Variants in FXR1 observed in about 807,000 individuals in gnomAD.
FXR1 encodes the protein RNA-binding protein FXR1.
FXR1 carries 15 observed loss-of-function variants against 84.0 expected under a neutral mutation model. The ratio of observed to expected loss-of-function variants is 0.18; its 90% CI spans 0.12 to 0.27. The LOEUF is 0.27. Ranked by LOEUF, FXR1 falls within the 10% of genes least tolerant of loss-of-function variation. The probability of loss-of-function intolerance (pLI) is 1.00; values close to 1 mark genes in which losing one functional copy is unlikely to be tolerated. For synonymous variants in FXR1, 245 were observed against 250.7 expected (o/e 0.98, Z 0.21); for missense variants, 480 against 774.4 (o/e 0.62, Z 4.51).
chr3:180,969,017 A>T (rs1386598396), intron 14 of FXR1, among the ~76,000 whole-genome samples: 1 of 152,206 alleles, frequency 6.6e-6, no homozygotes, highest in Non-Finnish European at 1.5e-5. Context: ...ATGAAAACTT[A>T]TGTAGTATTT....
rs1264208059 is a variant in FXR1 at position 180,979,551 on chromosome 3, A to G, written c.*3259A>G. 4 of 145,818 alleles carry G rather than the reference A, an allele frequency of 2.7e-5. No homozygotes were observed. The highest frequency in any genetic ancestry group is 4.6e-5 in the Non-Finnish European group (3 of 65,786). The allele number at this position is 145,818 out of a possible 1,614,324, so 9.0% of individuals were successfully genotyped here. ...GCTATAGTGAATTTGCTAGCCCCTT[A>G]TTTTTTTTTTTAATTTTAGTTCTTT... On this transcript the variant is annotated 3_prime_UTR_variant, in exon 17 of 17. Coordinates refer to ENST00000357559, the MANE Select transcript of FXR1 (RefSeq NM_005087.4).
intron 1 of FXR1, among the ~76,000 whole-genome samples, chr3:180,923,295 A>G (rs569949414): frequency 6.6e-6 from 1 of 152,248 alleles, no homozygotes; most frequent in East Asian, 1.9e-4. Flanking sequence ...GACCCTCCTG[A>G]GAATTACTCC....
chr3:180,927,469 A>C (rs1461560844), intron 1 of FXR1, among the ~76,000 whole-genome samples: 1 of 152,098 alleles, frequency 6.6e-6, no homozygotes, highest in East Asian at 1.9e-4. Flanking sequence ...TTGTAATATT[A>C]ATCTTTTAAC....
At chr3:180,960,751 C>T (rs1335372563) in intron 10 of FXR1, among the ~76,000 whole-genome samples, 1 of 152,138 alleles carries the variant, frequency 6.6e-6, no homozygotes, top group African/African-American at 2.4e-5. Context: ...AGGTGTGAGT[C>T]ACCATGACCT....
rs773264042 is a variant in FXR1 at position 180,981,061 on chromosome 3, A to G, written c.*4769A>G. ...ATGTTTGGAGGTTCTTGTGCACTCA[A>G]TGTGAACCTACTACAAGCTTCTGAA... On this transcript the variant is annotated 3_prime_UTR_variant, in exon 17 of 17. Coordinates refer to ENST00000357559, the MANE Select transcript of FXR1 (RefSeq NM_005087.4). 5.9e-5 allele frequency: 9 copies of G among 151,948 alleles called. No homozygotes were observed. Among genetic ancestry groups the G allele is most frequent in the African/African-American group, 9.7e-5 (4 of 41,400 alleles). The allele number at this position is 151,948 out of a possible 1,614,324, so 9.4% of individuals were successfully genotyped here. A position where few individuals can be genotyped will look rare whatever the true frequency, so the allele number is the denominator to read the frequency against.
Position 180,976,338 on chromosome 3 carries a change from A to G in FXR1, c.*46A>G, listed in dbSNP as rs199650094. 1.2e-4 allele frequency: 157 copies of G among 1,295,186 alleles called. No individual in the cohort carries two copies. The highest frequency in any genetic ancestry group is 1.5e-4 in the Non-Finnish European group (144 of 931,508). The allele number at this position is 1,295,186 out of a possible 1,614,324, so 80.2% of individuals were successfully genotyped here. A position where few individuals can be genotyped will look rare whatever the true frequency, so the allele number is the denominator to read the frequency against. On this transcript the variant is annotated 3_prime_UTR_variant, in exon 17 of 17. Transcript: ENST00000357559. Reference sequence around the variant, plus strand: ...ACAGTTCTTTTACATTACATTTACAATAGTGCTTGTACAAGCTTGCCAAAG... The same window carrying G: ...ACAGTTCTTTTACATTACATTTACAGTAGTGCTTGTACAAGCTTGCCAAAG...
intron 11 of FXR1, among the ~76,000 whole-genome samples, chr3:180,962,441 CCTT>C (rs1560015162): frequency 2.0e-5 from 3 of 152,206 alleles, no homozygotes; most frequent in African/African-American, 7.2e-5. Context: ...GTCTAGCACT[CCTT>C]CTAGGTCACA....
At chr3:180,942,377 C>CAAAAAAAAAAAAAA (rs765066164) in intron 3 of FXR1, among the ~76,000 whole-genome samples, 7 of 31,128 alleles carry the variant, frequency 2.2e-4, no homozygotes, top group African/African-American at 8.0e-4. Flanking sequence ...GACTCCGTCT[C>CAAAAAAAAAAAAAA]AAAAAAAAAA....
intron 3 of FXR1, among the ~76,000 whole-genome samples, chr3:180,941,293 G>A (rs1721095626): frequency 6.6e-6 from 1 of 151,846 alleles, no homozygotes; most frequent in Non-Finnish European, 1.5e-5. Context: ...CCGGGCTCAA[G>A]GGATCTTCCC....
At chr3:180,967,037 T>C (rs1040597641) in intron 13 of FXR1, among the ~76,000 whole-genome samples, 4 of 152,320 alleles carry the variant, frequency 2.6e-5, no homozygotes, top group African/African-American at 7.2e-5. Context: ...CTGTAAACTT[T>C]TAAAGGCAAT....
chr3:180,978,428 TG>T lies in FXR1; in HGVS notation c.*2137del, dbSNP rs1342607932. On this transcript the variant is annotated 3_prime_UTR_variant, in exon 17 of 17. Transcript: ENST00000357559. Reference sequence around the variant, plus strand: ...TGCAGAATTGTGATAAATACGCATTTGTTTTTTTAGAGAGCCCCACTCCCCA... The same window carrying T: ...TGCAGAATTGTGATAAATACGCATTTTTTTTTTAGAGAGCCCCACTCCCCA... The T allele has an allele frequency of 2.6e-5, 4 of 152,144 alleles. No homozygotes were observed. The highest frequency in any genetic ancestry group is 9.6e-5 in the African/African-American group (4 of 41,458). The allele number at this position is 152,144 out of a possible 1,614,324, so 9.4% of individuals were successfully genotyped here.
Position 180,976,480 on chromosome 3 carries a change from TATAAA to T in FXR1, c.*192_*196del, listed in dbSNP as rs1714256066. On this transcript the variant is annotated 3_prime_UTR_variant, in exon 17 of 17. Coordinates refer to ENST00000357559, the MANE Select transcript of FXR1 (RefSeq NM_005087.4). ...AAACATACTTTGACACCTACTGTGT[TATAAA>T]ATATATCATCAGATGTGCCTTGAGA... 4.8e-6 allele frequency: 2 copies of T among 416,382 alleles called. No homozygotes were observed. Among genetic ancestry groups the T allele is most frequent in the African/African-American group, 4.1e-5 (2 of 48,260 alleles). 25.8% of individuals were successfully genotyped at this position (416,382 alleles called of 1,614,324 possible).
intron 1 of FXR1, among the ~76,000 whole-genome samples, chr3:180,922,116 A>G (rs947240066): frequency 6.6e-6 from 1 of 152,206 alleles, no homozygotes; most frequent in Non-Finnish European, 1.5e-5. Flanking sequence ...TAATAGACAT[A>G]CACTTTGTTT....
intron 3 of FXR1, among the ~76,000 whole-genome samples, chr3:180,947,459 G>A (rs779958862): frequency 2.0e-4 from 31 of 152,062 alleles, no homozygotes; most frequent in Non-Finnish European, 3.7e-4. Flanking sequence ...TCTTTAGCAC[G>A]GGATCTAAAT....
At chr3:180,956,476 T>C (rs796885349) in intron 9 of FXR1, among the ~76,000 whole-genome samples, 16 of 152,270 alleles carry the variant, frequency 1.1e-4, no homozygotes, top group African/African-American at 3.9e-4. Flanking sequence ...CACTCAAAAC[T>C]GGTATAGTTC....
chr3:180,948,869 A>G, intron 6 of FXR1, 55 bp downstream of exon 6: 1 of 816,656 alleles, frequency 1.2e-6, no homozygotes, highest in Non-Finnish European at 2.1e-6. Context: ...CACAGATTTT[A>G]TAATTACATA....
At chr3:180,949,481 G>T in intron 7 of FXR1, 138 bp downstream of exon 7, 2 of 654,958 alleles carry the variant, frequency 3.1e-6, no homozygotes, top group South Asian at 1.7e-5. Flanking sequence ...CCACCTCCCG[G>T]ATTCAAGCGG....
chr3:180,957,391 G>A (rs766035160), intron 9 of FXR1: 1 of 152,494 alleles, frequency 6.6e-6, no homozygotes, highest in East Asian at 1.9e-4. Context: ...ATAGAAACTT[G>A]AAAATAAAAG....
intron 8 of FXR1, among the ~76,000 whole-genome samples, chr3:180,951,855 G>A (rs1224437284): frequency 6.6e-6 from 1 of 152,042 alleles, no homozygotes; most frequent in Admixed American, 6.6e-5. Context: ...ATAATACTTC[G>A]TCACTGGTTA....
Sources: gnomAD v4.1 joint callset for allele counts (sites outside exome capture counted in the v4.1 genomes callset) on GRCh38, gnomAD v4.1.1 for gene constraint, MANE v1.5 for transcripts, NCBI Gene and HGNC (gene_info 2026-07-23, HGNC 2026-07-21) for gene names.